GPHN: variants seen among roughly 807,000 people sequenced by gnomAD.
GPHN encodes gephyrin.
A neutral mutation model predicts 95.5 loss-of-function variants in GPHN; 17 were observed. The ratio of observed to expected loss-of-function variants is 0.18; its 90% CI spans 0.12 to 0.27. The LOEUF (loss-of-function observed/expected upper bound fraction) is 0.27. Among genes scored for constraint, GPHN ranks in the 10% least tolerant of loss-of-function variants. The pLI is 1.00. For synonymous variants in GPHN, 320 were observed against 322.5 expected (o/e 0.99, Z 0.08); for missense variants, 660 against 978.1 (o/e 0.67, Z 4.34).
At position 66,508,793 on chromosome 14, in the gene GPHN, C is replaced by T. The variant is rs138788932; in HGVS notation, c.64+202C>T. 5.1e-3 allele frequency among the ~76,000 whole-genome samples: 773 copies of T among 152,276 alleles called. 7 individuals carry two copies. Among genetic ancestry groups the T allele is most frequent in the African/African-American group, 0.018 (743 of 41,588 alleles). On this transcript the variant is annotated intron_variant, in intron 1 of 22. Coordinates refer to ENST00000478722, the MANE Select transcript of GPHN (RefSeq NM_020806.5). ...GGTCCCCTCCCCCAGGCCCCAGGAG[C>T]CGGGGTCGACCCCGTGGGATGTTAG...
intron 2 of GPHN, among the ~76,000 whole-genome samples, chr14:66,715,948 G>T (rs2070136998): frequency 1.3e-5 from 2 of 151,992 alleles, no homozygotes; most frequent in Non-Finnish European, 2.9e-5. Flanking sequence ...TGAATAGAAT[G>T]TGTATTCTGC....
At chr14:67,348,482 G>A in the GPHN span, among the ~76,000 whole-genome samples, 3 of 151,406 alleles carry the variant, frequency 2.0e-5, no homozygotes, top group Non-Finnish European at 4.4e-5. Context: ...TGGGATTACA[G>A]GTGTGAGCCA....
intron 1 of GPHN, among the ~76,000 whole-genome samples, chr14:66,673,276 T>C (rs1266874793): frequency 6.6e-6 from 1 of 151,770 alleles, no homozygotes; most frequent in Non-Finnish European, 1.5e-5. Context: ...GTATTTTTAG[T>C]AGAGATGGGG....
intron 4 of GPHN, among the ~76,000 whole-genome samples, chr14:66,840,638 T>C (rs1185876974): frequency 6.6e-6 from 1 of 151,718 alleles, no homozygotes; most frequent in African/African-American, 2.4e-5. Flanking sequence ...TGAATTTGGA[T>C]TTCATATATT....
At chr14:67,363,991 G>A in the GPHN span, 1 of 152,148 alleles carries the variant, frequency 6.6e-6, no homozygotes, top group African/African-American at 2.4e-5. Flanking sequence ...AAGTAGGTTG[G>A]GTGGATCAAA....
the GPHN span, among the ~76,000 whole-genome samples, chr14:67,722,896 G>A: frequency 1.3e-5 from 2 of 152,206 alleles, no homozygotes; most frequent in African/African-American, 2.4e-5. Flanking sequence ...ATCTGCGGCC[G>A]GGCAGAGGTG....
chr14:67,700,898 G>A, the GPHN span, among the ~76,000 whole-genome samples: 1 of 150,456 alleles, frequency 6.6e-6, no homozygotes, highest in South Asian at 2.1e-4. Context: ...GGCGGCGAAT[G>A]CCTCTAATCC....
the GPHN span, among the ~76,000 whole-genome samples, chr14:67,426,482 A>G: frequency 3.2e-4 from 49 of 152,312 alleles, no homozygotes; most frequent in African/African-American, 1.0e-3. Context: ...TTAAAACACA[A>G]GTGGCCGGTG....
the GPHN span, among the ~76,000 whole-genome samples, chr14:67,235,310 C>G: frequency 6.6e-6 from 1 of 152,094 alleles, no homozygotes; most frequent in African/African-American, 2.4e-5. Flanking sequence ...AATTTTATAG[C>G]CCTTTTCAAG....
the GPHN span, among the ~76,000 whole-genome samples, chr14:67,470,098 C>G: frequency 2.0e-5 from 3 of 152,130 alleles, no homozygotes; most frequent in East Asian, 1.9e-4. Context: ...AGAGTAGAGA[C>G]AGCAAGAAGG....
the GPHN span, among the ~76,000 whole-genome samples, chr14:67,491,358 A>G: frequency 6.6e-6 from 1 of 152,074 alleles, no homozygotes; most frequent in Admixed American, 6.5e-5. Flanking sequence ...CCTTTCTTGG[A>G]GGTTGGAGGG....
the GPHN span, chr14:67,292,646 C>T: frequency 6.2e-7 from 1 of 1,613,732 alleles, no homozygotes; most frequent in South Asian, 1.1e-5. Context: ...ATACACAATG[C>T]CATCACAGTA....
At chr14:67,450,718 A>G in the GPHN span, among the ~76,000 whole-genome samples, 2 of 152,226 alleles carry the variant, frequency 1.3e-5, no homozygotes, top group Admixed American at 1.3e-4. Context: ...ATTCAGTTTT[A>G]TAAGGGAAGC....
the GPHN span, chr14:67,586,531 C>A: frequency 2.7e-6 from 2 of 731,730 alleles, no homozygotes; most frequent in Non-Finnish European, 4.2e-6. Context: ...AGTGCTCCCT[C>A]TTCCTTGTTG....
At chr14:67,680,090 G>A in the GPHN span, among the ~76,000 whole-genome samples, 13 of 152,292 alleles carry the variant, frequency 8.5e-5, no homozygotes, top group East Asian at 2.3e-3. Flanking sequence ...CAGACATACT[G>A]AATGAGAATC....
At chr14:67,714,514 A>G in the GPHN span, 1 of 154,326 alleles carries the variant, frequency 6.5e-6, no homozygotes. Context: ...GCCTTTCAGA[A>G]GGAACTGCCG....
At chr14:67,525,623 G>A in the GPHN span, among the ~76,000 whole-genome samples, 142,794 of 152,334 alleles carry the variant, frequency 0.94, 67,030 homozygotes, top group South Asian at 0.97. Flanking sequence ...GAGTGGGGAA[G>A]GTCCTAGTAA....
chr14:67,300,396 C>G, the GPHN span, among the ~76,000 whole-genome samples: 1 of 146,816 alleles, frequency 6.8e-6, no homozygotes. Flanking sequence ...GGCGCCATCT[C>G]AGCTCACTGC....
chr14:67,376,692 A>G, the GPHN span: 51 of 1,315,840 alleles, frequency 3.9e-5, no homozygotes, highest in South Asian at 6.6e-4. Context: ...CCAAATTTAG[A>G]TTAAAATATT....
Sources: gnomAD v4.1 joint callset for allele counts (sites outside exome capture counted in the v4.1 genomes callset) on GRCh38, gnomAD v4.1.1 for gene constraint, MANE v1.5 for transcripts, NCBI Gene and HGNC (gene_info 2026-07-23, HGNC 2026-07-21) for gene names.